Variants in KHDRBS2 observed in about 807,000 individuals in gnomAD.
The protein encoded by KHDRBS2 is KH RNA binding domain containing, signal transduction associated 2, also known as KH domain-containing, RNA-binding, signal transduction-associated protein 2.
KHDRBS2 carries 26 observed loss-of-function variants against 44.3 expected under a neutral mutation model. The ratio of observed to expected loss-of-function variants is 0.59; its 90% CI spans 0.43 to 0.81. KHDRBS2 has a LOEUF of 0.81. Among genes scored for constraint, KHDRBS2 ranks in the 40% least tolerant of loss-of-function variants. The pLI, the probability that KHDRBS2 is intolerant of heterozygous loss-of-function variation, is 0.00. For missense variants in KHDRBS2, 476 were observed against 433.1 expected, an observed-to-expected ratio of 1.10 and a Z score of -0.88; for synonymous variants, 194 against 151.1, an observed-to-expected ratio of 1.28 and a Z score of -2.08.
chr6:61,658,399 T>C, the KHDRBS2 span, among the ~76,000 whole-genome samples: 1 of 151,810 alleles, frequency 6.6e-6, no homozygotes, highest in Non-Finnish European at 1.5e-5. Flanking sequence ...AAGAAATAAA[T>C]GTTTCTTTTA....
chr6:61,930,546 G>GAAAAAAAAAA (rs1439236595), intron 4 of KHDRBS2, among the ~76,000 whole-genome samples: 1 of 47,576 alleles, frequency 2.1e-5, no homozygotes, highest in African/African-American at 6.4e-5. Context: ...AAAAAAAAAA[G>GAAAAAAAAAA]AAAAAAAAAA....
At chr6:61,552,988 G>A in the KHDRBS2 span, among the ~76,000 whole-genome samples, 1 of 152,102 alleles carries the variant, frequency 6.6e-6, no homozygotes, top group Admixed American at 6.6e-5. Flanking sequence ...CTCTGCCAGG[G>A]TTTTGGTATC....
intron 4 of KHDRBS2, among the ~76,000 whole-genome samples, chr6:61,929,268 A>G (rs1269561811): frequency 6.6e-6 from 1 of 152,198 alleles, no homozygotes; most frequent in African/African-American, 2.4e-5. Flanking sequence ...ATAACTTTGG[A>G]AAAATATTCT....
chr6:62,127,543 A>C (rs1357055437), intron 2 of KHDRBS2, among the ~76,000 whole-genome samples: 1 of 152,040 alleles, frequency 6.6e-6, no homozygotes, highest in East Asian at 1.9e-4. Flanking sequence ...ATCTAATTTG[A>C]ATAATGGTTT....
chr6:61,632,862 C>A, the KHDRBS2 span, among the ~76,000 whole-genome samples: 1 of 152,046 alleles, frequency 6.6e-6, no homozygotes, highest in Non-Finnish European at 1.5e-5. Flanking sequence ...TGCAATTACA[C>A]AAATATAAAT....
At chr6:61,851,839 G>A (rs1396286681) in intron 6 of KHDRBS2, among the ~76,000 whole-genome samples, 2 of 152,204 alleles carry the variant, frequency 1.3e-5, no homozygotes, top group Non-Finnish European at 2.9e-5. Flanking sequence ...AATACAGTGA[G>A]AGATAGGTGA....
intron 1 of KHDRBS2, among the ~76,000 whole-genome samples, chr6:62,230,070 G>A (rs1394806265): frequency 6.6e-6 from 1 of 152,146 alleles, no homozygotes. Context: ...TAGCGGTGGT[G>A]GGCAAGCACC....
intron 6 of KHDRBS2, 138 bp from the exon 7 acceptor site, chr6:61,732,902 A>G (rs554759341): frequency 3.3e-6 from 2 of 605,966 alleles, no homozygotes; most frequent in East Asian, 2.8e-5. Context: ...ACATTTTACT[A>G]GATTAATGAT....
intron 1 of KHDRBS2, among the ~76,000 whole-genome samples, chr6:62,228,249 T>A (rs1832261691): frequency 6.6e-6 from 1 of 152,182 alleles, no homozygotes; most frequent in Non-Finnish European, 1.5e-5. Context: ...AATTTAGTCT[T>A]GGGAGGGTAT....
At chr6:62,208,079 T>A (rs9354810) in intron 1 of KHDRBS2, among the ~76,000 whole-genome samples, 85,332 of 151,990 alleles carry the variant, frequency 0.56, 24,522 homozygotes, top group Non-Finnish European at 0.62. Context: ...TGCTGCTTCA[T>A]TCTCTATATC....
chr6:61,700,130 A>G (rs1258161524), intron 7 of KHDRBS2, among the ~76,000 whole-genome samples: 1 of 130,908 alleles, frequency 7.6e-6, no homozygotes, highest in Non-Finnish European at 1.8e-5. Context: ...AGCAGCATAG[A>G]GGAAAATGCT....
At chr6:62,063,147 A>C (rs1253270852) in intron 2 of KHDRBS2, among the ~76,000 whole-genome samples, 1 of 104,008 alleles carries the variant, frequency 9.6e-6, no homozygotes, top group African/African-American at 3.2e-5. Context: ...ATAGTTTACC[A>C]ACCAAAAAGA....
intron 6 of KHDRBS2, among the ~76,000 whole-genome samples, chr6:61,802,797 G>A (rs923069548): frequency 6.6e-6 from 1 of 152,132 alleles, no homozygotes; most frequent in Non-Finnish European, 1.5e-5. Flanking sequence ...TCATCTACTT[G>A]TCGGCAAATC....
chr6:61,788,374 C>T (rs1439783708), intron 6 of KHDRBS2, among the ~76,000 whole-genome samples: 1 of 151,420 alleles, frequency 6.6e-6, no homozygotes, highest in Admixed American at 6.6e-5. Flanking sequence ...ATTTGCTTAA[C>T]AACATTGTAT....
intron 4 of KHDRBS2, among the ~76,000 whole-genome samples, chr6:61,953,387 G>T (rs565929187): frequency 1.6e-4 from 24 of 152,100 alleles, no homozygotes; most frequent in East Asian, 3.9e-4. Context: ...GGATTGGAAT[G>T]GCCAGCATTT....
chr6:61,939,649 C>T (rs1361670584), intron 4 of KHDRBS2, among the ~76,000 whole-genome samples: 2 of 152,146 alleles, frequency 1.3e-5, no homozygotes, highest in Non-Finnish European at 2.9e-5. Flanking sequence ...CCTCCTTACA[C>T]ATTATTTCCT....
chr6:61,578,048 A>G, the KHDRBS2 span, among the ~76,000 whole-genome samples: 1 of 152,148 alleles, frequency 6.6e-6, no homozygotes, highest in Non-Finnish European at 1.5e-5. Context: ...AAGAAATCTC[A>G]TGTCTTGAAG....
chr6:62,157,165 C>T (rs1409581549), intron 2 of KHDRBS2, among the ~76,000 whole-genome samples: 2 of 151,308 alleles, frequency 1.3e-5, no homozygotes, highest in Non-Finnish European at 3.0e-5. Flanking sequence ...ACCATCCTGG[C>T]CATCATGGTG....
intron 6 of KHDRBS2, among the ~76,000 whole-genome samples, chr6:61,737,775 G>C (rs1775596247): frequency 6.6e-6 from 1 of 152,000 alleles, no homozygotes; most frequent in African/African-American, 2.4e-5. Context: ...CCCAGATGTG[G>C]AAACTCATAA....
Sources: gnomAD v4.1 joint callset for allele counts (sites outside exome capture counted in the v4.1 genomes callset) on GRCh38, gnomAD v4.1.1 for gene constraint, MANE v1.5 for transcripts, NCBI Gene and HGNC (gene_info 2026-07-23, HGNC 2026-07-21) for gene names.